Variants in PRR12 observed in about 807,000 individuals in gnomAD.
PRR12 encodes the protein proline rich 12, also known as proline-rich protein 12.
A neutral mutation model predicts 138.0 loss-of-function variants in PRR12; 12 were observed. The observed-to-expected ratio is 0.09, with a 90% CI of 0.06 to 0.14. The LOEUF (loss-of-function observed/expected upper bound fraction) is 0.14. Among genes scored for constraint, PRR12 ranks in the 10% least tolerant of loss-of-function variants. The pLI is 1.00. For missense variants in PRR12, 2,692 were observed against 2,861.3 expected (o/e 0.94, Z 1.35); for synonymous variants, 1,567 against 1,291.7 (o/e 1.21, Z -4.57).
chr19:49,601,843 C>T lies in PRR12; in HGVS notation c.4698C>T (p.Gly1566=), dbSNP rs746272928. ...GTGGGGAGACGGACGAGGAGGCCGG[C>T]GAGAGTGGCGGAGAGGGCATCTTCC... ...AVCGETDEEA[G]ESGGEGIFRE... The change falls in exon 6 of 14, where the codon GGC becomes GGT. Residue 1566 remains glycine, a synonymous_variant. Coordinates refer to ENST00000418929, the MANE Select transcript of PRR12 (RefSeq NM_020719.3). 1.1e-5 allele frequency: 18 copies of T among 1,612,698 alleles called. 1 individual carries two copies. Among genetic ancestry groups the T allele is most frequent in the South Asian group, 5.5e-5 (5 of 91,028 alleles).
chr19:49,614,922 A>T lies in PRR12; in HGVS notation c.4937A>T (p.Tyr1646Phe). ...GDAKNRYQRL[Y>F]VKFLENVNKK... Reference sequence around the variant, plus strand: ...GCAAAAAATCGGTACCAGCGCCTCTATGTAAAGTTCCTGGAAAATGTCAAT... The same window carrying T: ...GCAAAAAATCGGTACCAGCGCCTCTTTGTAAAGTTCCTGGAAAATGTCAAT... Residue 1646 changes from tyrosine to phenylalanine, a missense_variant, in exon 8 of 14, where the codon TAT becomes TTT. Tyr to Phe is a conservative substitution (Grantham distance 22). Around this residue, in one of 11 missense-constraint regions of PRR12, gnomAD observed 92 missense variants for 174.1 expected, o/e 0.53. Transcript: ENST00000418929. The surrounding 1 kb of genome is among the most constrained non-coding windows in gnomAD (Gnocchi z 5.0). The T allele has an allele frequency of 6.2e-7, 1 of 1,613,966 alleles. No individual in the cohort carries two copies. The highest frequency in any genetic ancestry group is 8.5e-7 in the Non-Finnish European group (1 of 1,179,886).
At chr19:49,608,635 C>T (rs1018789014) in intron 6 of PRR12, among the ~76,000 whole-genome samples, 2 of 152,078 alleles carry the variant, frequency 1.3e-5, no homozygotes, top group Admixed American at 6.6e-5. Flanking sequence ...TCCCAAAGTA[C>T]TGGGATTACA....
At chr19:49,592,348 C>T (rs920330149) in intron 1 of PRR12, among the ~76,000 whole-genome samples, 6 of 152,146 alleles carry the variant, frequency 3.9e-5, no homozygotes, top group Non-Finnish European at 8.8e-5. Flanking sequence ...GCAGAGAATC[C>T]TAGTTGATCG....
chr19:49,610,690 C>T (rs142620414), intron 6 of PRR12, among the ~76,000 whole-genome samples: 61 of 152,014 alleles, frequency 4.0e-4, no homozygotes, highest in Middle Eastern at 6.8e-3. Flanking sequence ...CACAGGCGCC[C>T]GCCACCACGT....
chr19:49,596,690 C>G lies in PRR12; in HGVS notation c.2355C>G (p.Ala785=). The G allele has an allele frequency of 6.2e-7, 1 of 1,604,018 alleles. No individual in the cohort carries two copies. The highest frequency in any genetic ancestry group is 8.5e-7 in the Non-Finnish European group (1 of 1,178,732). The change falls in exon 4 of 14, where the codon GCC becomes GCG. Residue 785 remains alanine (A), a synonymous_variant. Coordinates refer to ENST00000418929, the MANE Select transcript of PRR12 (RefSeq NM_020719.3). The surrounding 1 kb of genome is among the most constrained non-coding windows in gnomAD (Gnocchi z 5.6). ...QPTPHGLLLE[A]GGPDLPLVLP... is the part of the protein sequence containing the mutation. ...CTCCCCATGGCCTCCTTCTGGAGGC[C>G]GGGGGCCCTGACCTCCCACTGGTGC...
chr19:49,599,489 A>G lies in PRR12; in HGVS notation c.3896A>G (p.Tyr1299Cys). Residue 1299 changes from tyrosine (Y) to cysteine (C), a missense_variant, in exon 5 of 14, where the codon TAC (tyrosine) becomes TGC (cysteine). By Grantham distance (194) the Tyr-to-Cys change is radical. This residue lies in a region of PRR12 where 326 missense variants were observed against 344.2 expected (regional missense o/e 0.95). Transcript: ENST00000418929. The surrounding 1 kb of genome is among the most constrained non-coding windows in gnomAD (Gnocchi z 5.0). ...TCAGGCAAGCGCCACCCACCACTCTACCAGGCGGGCCTGACGCCTCCGCTC... is the reference window on the plus strand; with the variant it reads ...TCAGGCAAGCGCCACCCACCACTCTGCCAGGCGGGCCTGACGCCTCCGCTC... ...LKSGKRHPPL[Y>C]QAGLTPPLSP... The G allele has an allele frequency of 6.2e-7, 1 of 1,600,948 alleles. No homozygotes were observed. Among genetic ancestry groups the G allele is most frequent in the Non-Finnish European group, 8.5e-7 (1 of 1,174,410 alleles).
chr19:49,606,781 G>A (rs983357262), intron 6 of PRR12, among the ~76,000 whole-genome samples: 3 of 151,330 alleles, frequency 2.0e-5, no homozygotes, highest in Non-Finnish European at 4.4e-5. Flanking sequence ...TGAGTAGCTG[G>A]GATTACAGGC....
At chr19:49,605,047 C>T (rs982926419) in intron 6 of PRR12, among the ~76,000 whole-genome samples, 65 of 152,124 alleles carry the variant, frequency 4.3e-4, no homozygotes, top group African/African-American at 1.5e-3. Flanking sequence ...GATGGGGTTT[C>T]ACCATGTTGG....
chr19:49,601,935 T>A lies in PRR12; in HGVS notation c.4773+17T>A. ...TCCCTCAAGGTGAGTCCCAGCCTTC[T>A]CCAGAAACTGGGCCTGATGGGTTTG... is the stretch of plus-strand genomic sequence containing the variant. On this transcript the variant is annotated intron_variant, in intron 6 of 13. Coordinates refer to ENST00000418929, the MANE Select transcript of PRR12 (RefSeq NM_020719.3). 2 of 1,607,092 alleles carry A rather than the reference T, an allele frequency of 1.2e-6. No homozygotes were observed. Among genetic ancestry groups the A allele is most frequent in the Non-Finnish European group, 1.7e-6 (2 of 1,178,022 alleles).
At chr19:49,609,109 T>G (rs983594279) in intron 6 of PRR12, among the ~76,000 whole-genome samples, 9 of 150,688 alleles carry the variant, frequency 6.0e-5, no homozygotes, top group Admixed American at 2.6e-4. Context: ...CGCTCAGGAG[T>G]TCAACACCAG....
rs2080753686 is a variant in PRR12, at chr19:49,594,824, A to G, written c.489A>G (p.Pro163=). 6.2e-7 allele frequency: 1 copy of G among 1,611,574 alleles called. No homozygotes were observed. Among genetic ancestry groups the G allele is most frequent in the South Asian group, 1.1e-5 (1 of 90,822 alleles). ...HPASFGSRPF[P]VPSSLSLQDP... ...CTTCCTTCGGCAGCCGCCCCTTCCCAGTGCCCTCGTCCCTCAGCCTCCAGG... is the reference window on the plus strand; with the variant it reads ...CTTCCTTCGGCAGCCGCCCCTTCCCGGTGCCCTCGTCCCTCAGCCTCCAGG... Residue 163 remains proline, a synonymous_variant, in exon 4 of 14, where the codon CCA becomes CCG. Transcript: ENST00000418929. This position sits in a 1 kb window ranked among gnomAD's most constrained non-coding sequence, Gnocchi z 5.6.
rs188256557 is a variant in PRR12, at chr19:49,619,141, C to A, written c.5498-1211C>A. On this transcript the variant is annotated intron_variant, in intron 9 of 13. Transcript: ENST00000418929. Reference sequence around the variant, plus strand: ...GCTGCTGCTTTAGACTTACGTGAAGCCACAATTAAGTGCTCTGAGCTATCA... The same window carrying A: ...GCTGCTGCTTTAGACTTACGTGAAGACACAATTAAGTGCTCTGAGCTATCA... Among the ~76,000 whole-genome samples the A allele has an allele frequency of 9.8e-4, 149 of 151,930 alleles. 1 individual carries two copies. The highest frequency in any genetic ancestry group is 3.5e-3 in the African/African-American group (146 of 41,420).
chr19:49,595,007 C>A lies in PRR12; in HGVS notation c.672C>A (p.Thr224=), dbSNP rs1266765002. 1.3e-6 allele frequency: 2 copies of A among 1,599,238 alleles called. No individual in the cohort carries two copies. The highest frequency in any genetic ancestry group is 2.3e-5 in the East Asian group (1 of 43,996). The change falls in exon 4 of 14, where the codon ACC becomes ACA. Residue 224 remains threonine (T), a synonymous_variant. Transcript: ENST00000418929. Reference sequence around the variant, plus strand: ...CAGCTGGTCTCGGTCCAGCCCAGACCCCCCCTTACCGCCCTGGCCCCCCAG... The same window carrying A: ...CAGCTGGTCTCGGTCCAGCCCAGACACCCCCTTACCGCCCTGGCCCCCCAG... ...LGPAGLGPAQ[T]PPYRPGPPDP...
intron 6 of PRR12, 43 bp downstream of exon 6, chr19:49,601,961 G>A (rs753986710): frequency 1.2e-5 from 19 of 1,589,652 alleles, no homozygotes; most frequent in Non-Finnish European, 1.4e-5. Context: ...GATGGGTTTG[G>A]TCACCTGTTT....
intron 6 of PRR12, among the ~76,000 whole-genome samples, chr19:49,608,495 C>T (rs185915861): frequency 4.6e-5 from 7 of 152,152 alleles, no homozygotes; most frequent in East Asian, 3.9e-4. Flanking sequence ...CTCAGCCTCC[C>T]GAGTAGCGCA....
chr19:49,594,491 G>C lies in PRR12; in HGVS notation c.237G>C (p.Ala79=), dbSNP rs542662548. 3 of 1,612,680 alleles carry C rather than the reference G, an allele frequency of 1.9e-6. No homozygotes were observed. The East Asian group carries it at 6.7e-5, about 36-fold the overall frequency. The change falls in exon 3 of 14, where the codon GCG becomes GCC. Residue 79 remains alanine, a synonymous_variant. Coordinates refer to ENST00000418929, the MANE Select transcript of PRR12 (RefSeq NM_020719.3). The surrounding 1 kb of genome is among the most constrained non-coding windows in gnomAD (Gnocchi z 5.6). ...SGLFDTGLHH[A]GSAGPDASVM... The stretch of plus-strand genomic sequence containing the variant: ...TCTTCGACACTGGCCTCCACCACGC[G>C]GGCTCAGCAGGGCCCGACGCCTCCG...
In PRR12 at chr19:49,595,741, T is replaced by C. The variant is rs767152914; in HGVS notation, c.1406T>C (p.Leu469Ser). Residue 469 changes from leucine (L) to serine (S), a missense_variant, in exon 4 of 14, where the codon TTG (leucine) becomes TCG (serine). By Grantham distance (145) the Leu-to-Ser change is moderately radical. This residue lies in a region of PRR12 where 523 missense variants were observed against 496.4 expected (regional missense o/e 1.05). Coordinates refer to ENST00000418929, the MANE Select transcript of PRR12 (RefSeq NM_020719.3). ...QGFGGGQAQD[L>S]SKAPSYSGGP... is the part of the protein sequence containing the mutation. ...TTTGGAGGGGGGCAGGCACAGGACT[T>C]GAGCAAAGCCCCCAGCTACTCAGGG... The C allele has an allele frequency of 6.3e-7, 1 of 1,597,510 alleles. No individual in the cohort carries two copies. Among genetic ancestry groups the C allele is most frequent in the Non-Finnish European group, 8.5e-7 (1 of 1,172,316 alleles).
At position 49,594,470 on chromosome 19, in the gene PRR12, C is replaced by A; in HGVS notation, c.216C>A (p.Phe72Leu). The change falls in exon 3 of 14, where the codon TTC (phenylalanine) becomes TTA (leucine). Residue 72 changes from phenylalanine to leucine, a missense_variant. By Grantham distance (22) the Phe-to-Leu change is conservative. Around this residue, in one of 11 missense-constraint regions of PRR12, gnomAD observed 211 missense variants for 266.3 expected, o/e 0.79. Transcript: ENST00000418929. This position sits in a 1 kb window ranked among gnomAD's most constrained non-coding sequence, Gnocchi z 5.6. ...CCCGGCCAGGCCTCTCTGGACTCTT[C>A]GACACTGGCCTCCACCACGCGGGCT... ...NHHPAGLSGL[F>L]DTGLHHAGSA... 1.2e-6 allele frequency: 2 copies of A among 1,608,508 alleles called. No individual in the cohort carries two copies. Among genetic ancestry groups the A allele is most frequent in the Non-Finnish European group, 1.7e-6 (2 of 1,177,802 alleles).
chr19:49,612,936 A>C (rs1349870070), intron 6 of PRR12, among the ~76,000 whole-genome samples: 3 of 151,828 alleles, frequency 2.0e-5, no homozygotes, highest in African/African-American at 4.8e-5. Flanking sequence ...GTTGGGATTA[A>C]AGGTGTGAGC....
Sources: gnomAD v4.1 joint callset for allele counts (sites outside exome capture counted in the v4.1 genomes callset) on GRCh38, gnomAD v4.1.1 for gene constraint, gnomAD v4.1.1 regional missense constraint, Gnocchi (gnomAD v3.1) non-coding constraint, MANE v1.5 for transcripts, NCBI Gene and HGNC (gene_info 2026-07-23, HGNC 2026-07-21) for gene names.